The following ABHD5 variants were observed in gnomAD, a reference collection of about 807,000 sequenced individuals.
ABHD5 encodes abhydrolase domain containing 5, lysophosphatidic acid acyltransferase, also known as 1-acylglycerol-3-phosphate O-acyltransferase ABHD5.
ABHD5 carries 30 observed loss-of-function variants against 44.9 expected under a neutral mutation model. The observed-to-expected ratio is 0.67, with a 90% CI of 0.50 to 0.91. ABHD5 has a LOEUF of 0.91. Among genes scored for constraint, ABHD5 ranks in the 40% least tolerant of loss-of-function variants. The probability of loss-of-function intolerance (pLI) is 0.00; values close to 1 mark genes in which losing one functional copy is unlikely to be tolerated. For synonymous variants in ABHD5, 167 were observed against 147.0 expected (o/e 1.14, Z -0.99); for missense variants, 399 against 423.4 (o/e 0.94, Z 0.50).
intron 4 of ABHD5, among the ~76,000 whole-genome samples, chr3:43,714,545 A>T (rs1360973887): frequency 2.0e-5 from 3 of 152,200 alleles, no homozygotes; most frequent in Non-Finnish European, 2.9e-5. Flanking sequence ...AGAAATAATT[A>T]TGTATACCAG....
intron 1 of ABHD5, 65 bp from the exon 2 acceptor site, chr3:43,699,211 G>A: frequency 1.5e-6 from 2 of 1,371,736 alleles, no homozygotes; most frequent in Non-Finnish European, 2.1e-6. Context: ...TTCTGTGCAT[G>A]TGACAATTGG....
chr3:43,718,027 A>G (rs2084789711), intron 6 of ABHD5, among the ~76,000 whole-genome samples, 170 bp downstream of exon 6: 3 of 152,174 alleles, frequency 2.0e-5, no homozygotes. Context: ...TGGCCTGCAC[A>G]CATCTTCATG....
At chr3:43,692,160 A>G (rs535312129) in intron 1 of ABHD5, among the ~76,000 whole-genome samples, 2 of 152,352 alleles carry the variant, frequency 1.3e-5, no homozygotes, top group South Asian at 4.1e-4. Flanking sequence ...TGCCTAGGAA[A>G]CATAACCTAA....
chr3:43,718,320 A>G, intron 6 of ABHD5, 123 bp from the exon 7 acceptor site: 1 of 817,338 alleles, frequency 1.2e-6, no homozygotes, highest in Non-Finnish European at 2.2e-6. Context: ...TTATTTTTTA[A>G]TCACGTGTTT....
At chr3:43,728,936 T>G (rs1011453173) in intron 7 of ABHD5, among the ~76,000 whole-genome samples, 2 of 152,218 alleles carry the variant, frequency 1.3e-5, no homozygotes, top group African/African-American at 4.8e-5. Context: ...CTTTTTAATC[T>G]GCTGAGTGGA....
In ABHD5 at chr3:43,722,240, T is replaced by G. The variant is rs1409528596; in HGVS notation, c.*3708T>G. The G allele has an allele frequency of 2.6e-5, 4 of 152,242 alleles. No homozygotes were observed. The highest frequency in any genetic ancestry group is 5.9e-5 in the Non-Finnish European group (4 of 68,044). The allele number at this position is 152,242 out of a possible 1,614,324, so 9.4% of individuals were successfully genotyped here. Reference sequence around the variant, plus strand: ...AGGGTATATCTATACAATGGGATACTACACAGCTGTAGAAAGGACTGCGAA... The same window carrying G: ...AGGGTATATCTATACAATGGGATACGACACAGCTGTAGAAAGGACTGCGAA... On this transcript the variant is annotated 3_prime_UTR_variant, in exon 7 of 7. Transcript: ENST00000644371.
chr3:43,724,614 A>C (rs1028465998), downstream of ABHD5, among the ~76,000 whole-genome samples: 1 of 152,202 alleles, frequency 6.6e-6, no homozygotes, highest in Non-Finnish European at 1.5e-5. Flanking sequence ...AGCCTTAAAG[A>C]CTGAGGTAGA....
At position 43,690,971 on chromosome 3, in the gene ABHD5, C is replaced by A. The variant is rs371780182; in HGVS notation, c.-22C>A. On this transcript the variant is annotated 5_prime_UTR_variant, in exon 1 of 7. Transcript: ENST00000644371. ...TGTCAGCCGGCTTCGAGATAAGTCC[C>A]GGCGCTTGCGCGGCGGCGGCTATGG... The A allele has an allele frequency of 1.3e-6, 2 of 1,569,180 alleles. No homozygotes were observed. The highest frequency in any genetic ancestry group is 8.6e-7 in the Non-Finnish European group (1 of 1,161,552).
At chr3:43,709,253 A>G (rs2084658383) in intron 3 of ABHD5, among the ~76,000 whole-genome samples, 1 of 152,264 alleles carries the variant, frequency 6.6e-6, no homozygotes, top group African/African-American at 2.4e-5. Flanking sequence ...GAGCAATTGT[A>G]GGGACAGTAG....
intron 3 of ABHD5, among the ~76,000 whole-genome samples, chr3:43,710,922 T>C (rs921320503): frequency 2.0e-5 from 3 of 152,320 alleles, no homozygotes; most frequent in Middle Eastern, 3.4e-3. Flanking sequence ...TTTTCCTTCA[T>C]TGGGAAGAAG....
At position 43,721,311 on chromosome 3, in the gene ABHD5, AT is replaced by A. The variant is rs1375319960; in HGVS notation, c.*2784del. The A allele has an allele frequency of 1.3e-5, 2 of 152,142 alleles. No individual in the cohort carries two copies. Among genetic ancestry groups the A allele is most frequent in the African/African-American group, 2.4e-5 (1 of 41,450 alleles). The allele number at this position is 152,142 out of a possible 1,614,324, so 9.4% of individuals were successfully genotyped here. A position where few individuals can be genotyped will look rare whatever the true frequency, so the allele number is the denominator to read the frequency against. On this transcript the variant is annotated 3_prime_UTR_variant, in exon 7 of 7. Transcript: ENST00000644371. ...AAAATCTGAATAGAACAAAGACCCA[AT>A]TTTTAAAATGAAACCCTCTTTCTAA...
chr3:43,691,057 G>A lies in ABHD5; in HGVS notation c.47+18G>A. ...GGAGAGAGGTAAGCGCAGCCGGCAG[G>A]GGGCTTCGTGTGTCTCCGGCGCGCA... is the stretch of plus-strand genomic sequence containing the variant. On this transcript the variant is annotated intron_variant, in intron 1 of 6. Coordinates refer to ENST00000644371, the MANE Select transcript of ABHD5 (RefSeq NM_016006.6). The A allele has an allele frequency of 6.5e-7, 1 of 1,537,964 alleles. No individual in the cohort carries two copies. The highest frequency in any genetic ancestry group is 8.8e-7 in the Non-Finnish European group (1 of 1,141,760).
At position 43,691,033 on chromosome 3, in the gene ABHD5, G is replaced by C. The variant is rs759528590; in HGVS notation, c.41G>C (p.Gly14Ala). 16 of 1,560,692 alleles carry C rather than the reference G, an allele frequency of 1.0e-5. No homozygotes were observed. The African/African-American group carries it at 1.7e-4, about 17-fold the overall frequency. ...GAGGAGGTGGACTCTGCCGACACCG[G>C]AGAGAGGTAAGCGCAGCCGGCAGGG... ...EEEEVDSADT[G>A]ERSGWLTGWL... Residue 14 changes from glycine (G) to alanine (A), a missense_variant, in exon 1 of 7, where the codon GGA becomes GCA. By Grantham distance (60) the Gly-to-Ala change is moderately conservative. Transcript: ENST00000644371.
At chr3:43,715,156 T>G in intron 5 of ABHD5, 98 bp downstream of exon 5, 3 of 754,782 alleles carry the variant, frequency 4.0e-6, no homozygotes, top group East Asian at 3.1e-5. Context: ...TTAAAACTAT[T>G]TATTTATTTA....
At chr3:43,698,959 T>G (rs1289425075) in intron 1 of ABHD5, among the ~76,000 whole-genome samples, 2 of 152,242 alleles carry the variant, frequency 1.3e-5, no homozygotes, top group African/African-American at 4.8e-5. Context: ...AGAGGCTGTC[T>G]TGCAGTGGGG....
intron 4 of ABHD5, 125 bp downstream of exon 4, chr3:43,711,988 C>A: frequency 1.6e-6 from 2 of 1,249,030 alleles, no homozygotes; most frequent in Non-Finnish European, 2.3e-6. Context: ...TTCTCCTCTT[C>A]CTCTAATAAG....
At position 43,720,986 on chromosome 3, in the gene ABHD5, A is replaced by G. The variant is rs1353186730; in HGVS notation, c.*2454A>G. 6.6e-6 allele frequency: 1 copy of G among 152,054 alleles called. No individual in the cohort carries two copies. The highest frequency in any genetic ancestry group is 1.5e-5 in the Non-Finnish European group (1 of 68,030). 9.4% of individuals were successfully genotyped at this position (152,054 alleles called of 1,614,324 possible). On this transcript the variant is annotated 3_prime_UTR_variant, in exon 7 of 7. Coordinates refer to ENST00000644371, the MANE Select transcript of ABHD5 (RefSeq NM_016006.6). ...GAACACTTTTGAAATGTCTTCATTC[A>G]TATATGTAATATATATTTATACTTA...
intron 1 of ABHD5, 61 bp downstream of exon 1, chr3:43,691,100 G>A (rs2084368543): frequency 1.4e-6 from 2 of 1,469,632 alleles, no homozygotes; most frequent in East Asian, 2.8e-5. Context: ...CGCGGGCCGG[G>A]TTAGGGCCCA....
chr3:43,704,033 C>CTTTTTTTTTTTT (rs10544525), intron 3 of ABHD5, among the ~76,000 whole-genome samples: 72 of 84,798 alleles, frequency 8.5e-4, no homozygotes, highest in Non-Finnish European at 1.1e-3. Flanking sequence ...TCTTTATTTT[C>CTTTTTTTTTTTT]TTTTTTTTTT....
Sources: gnomAD v4.1 joint callset for allele counts (sites outside exome capture counted in the v4.1 genomes callset) on GRCh38, gnomAD v4.1.1 for gene constraint, MANE v1.5 for transcripts, NCBI Gene and HGNC (gene_info 2026-07-23, HGNC 2026-07-21) for gene names.